The following SDHA variants were observed in gnomAD, a reference collection of about 807,000 sequenced individuals.
SDHA encodes succinate dehydrogenase [ubiquinone] flavoprotein subunit, mitochondrial.
A neutral mutation model predicts 78.4 loss-of-function variants in SDHA; 48 were observed. The ratio of observed to expected loss-of-function variants is 0.61; its 90% CI spans 0.49 to 0.78. The LOEUF (loss-of-function observed/expected upper bound fraction) is 0.78. Ranked by LOEUF, SDHA falls within the 30% of genes least tolerant of loss-of-function variation. SDHA has a pLI of 0.00. For missense variants in SDHA, 680 were observed against 892.7 expected, an observed-to-expected ratio of 0.76 and a Z score of 3.04; for synonymous variants, 326 against 353.9, an observed-to-expected ratio of 0.92 and a Z score of 0.88.
intron 5 of SDHA, 24 bp from the exon 6 acceptor site, chr5:228,161 C>A: frequency 3.1e-6 from 5 of 1,597,806 alleles, no homozygotes; most frequent in Non-Finnish European, 4.2e-6. Context: ...ACACTTCTTG[C>A]CCTTTTTTTT....
downstream of SDHA, among the ~76,000 whole-genome samples, chr5:257,390 G>C (rs188207530): frequency 2.8e-5 from 4 of 144,034 alleles, no homozygotes; most frequent in Non-Finnish European, 6.0e-5. Context: ...TGTGAGCTCC[G>C]CCCCCTGCCA....
chr5:235,998 T>G (rs748444039), intron 9 of SDHA: 18 of 277,840 alleles, frequency 6.5e-5, no homozygotes, highest in Middle Eastern at 1.4e-3. Flanking sequence ...GGTCCTTACT[T>G]CCCTCTTAGA....
intron 1 of SDHA, among the ~76,000 whole-genome samples, chr5:221,169 G>C (rs1291339684): frequency 6.6e-6 from 1 of 152,140 alleles, no homozygotes; most frequent in Admixed American, 6.5e-5. Context: ...ATTCTAGTGA[G>C]AATAATTACA....
downstream of SDHA, among the ~76,000 whole-genome samples, chr5:258,264 C>T (rs1402460587): frequency 1.6e-5 from 2 of 127,134 alleles, no homozygotes; most frequent in African/African-American, 4.1e-5. Context: ...AGCTCCGCCC[C>T]ATGTTAGAGC....
chr5:219,922 C>T (rs570002173), intron 1 of SDHA, among the ~76,000 whole-genome samples: 35 of 152,194 alleles, frequency 2.3e-4, no homozygotes, highest in Non-Finnish European at 3.7e-4. Flanking sequence ...ATGAAGTTAG[C>T]TTTTCCTACA....
Position 223,213 on chromosome 5 carries a change from CAGTG to C in SDHA, c.64-265_64-262del, listed in dbSNP as rs1734816457. Among the ~76,000 whole-genome samples the C allele has an allele frequency of 3.9e-5, 6 of 152,320 alleles. No individual in the cohort carries two copies. The South Asian group carries it at 1.2e-3, about 32-fold the overall frequency. ...TGCCTTTTTCATTTCGTATCTGAGT[CAGTG>C]AGTATCCTGTTTGGAAACAAGCTTC... On this transcript the variant is annotated intron_variant, in intron 1 of 14. Coordinates refer to ENST00000264932, the MANE Select transcript of SDHA (RefSeq NM_004168.4).
chr5:223,859 T>A (rs1459612845), intron 2 of SDHA, among the ~76,000 whole-genome samples: 1 of 152,194 alleles, frequency 6.6e-6, no homozygotes, highest in Admixed American at 6.5e-5. Context: ...CTGTGATAGA[T>A]GATAAAATTC....
chr5:234,036 C>T (rs2126579933), intron 8 of SDHA: 1 of 286,924 alleles, frequency 3.5e-6, no homozygotes, highest in South Asian at 3.6e-5. Context: ...GCAGCTCTTT[C>T]ATTGCCTGAC....
rs1060503716 is a variant in SDHA, at chr5:228,296, C to G, written c.733C>G (p.His245Asp). 6.2e-7 allele frequency: 1 copy of G among 1,613,936 alleles called. No individual in the cohort carries two copies. Among genetic ancestry groups the G allele is most frequent in the Non-Finnish European group, 8.5e-7 (1 of 1,179,858 alleles). ...IALCIEDGSI[H>D]RIRAKNTVVA... ...ACTGTGCATAGAGGACGGGTCCATC[C>G]ATCGCATAAGAGCAAAGAACACTGT... The change falls in exon 6 of 15, where the codon CAT (histidine) becomes GAT (aspartate). Residue 245 changes from histidine (H) to aspartate (D), a missense_variant. Physicochemically the swap from His to Asp is moderately conservative, Grantham distance 81. Coordinates refer to ENST00000264932, the MANE Select transcript of SDHA (RefSeq NM_004168.4).
chr5:243,313 C>G (rs1173646677), intron 11 of SDHA, among the ~76,000 whole-genome samples: 5 of 151,972 alleles, frequency 3.3e-5, no homozygotes, highest in African/African-American at 1.2e-4. Context: ...TGTTTCCAGT[C>G]GGATGATTCC....
At chr5:224,048 C>T (rs951978660) in intron 2 of SDHA, among the ~76,000 whole-genome samples, 2 of 152,148 alleles carry the variant, frequency 1.3e-5, no homozygotes, top group Admixed American at 6.5e-5. Flanking sequence ...CCCACAATAG[C>T]GACTGAATAC....
In SDHA at chr5:251,250, C is replaced by T. The variant is rs1226422521; in HGVS notation, c.1664-88C>T. 5 of 1,533,438 alleles carry T rather than the reference C, an allele frequency of 3.3e-6. No individual in the cohort carries two copies. In the East Asian group the frequency reaches 9.2e-5, roughly 28 times the overall value. The allele number at this position is 1,533,438 out of a possible 1,614,324, so 95.0% of individuals were successfully genotyped here. A position where few individuals can be genotyped will look rare whatever the true frequency, so the allele number is the denominator to read the frequency against. On this transcript the variant is annotated intron_variant, in intron 12 of 14. Transcript: ENST00000264932. ...AGCTATAAAGCCACAACCAGTGACT[C>T]CATGGACTAGCAGGCCCAGGCTGAC...
chr5:230,887 G>A lies in SDHA; in HGVS notation c.782G>A (p.Arg261His), dbSNP rs769228279. 2.5e-6 allele frequency: 4 copies of A among 1,613,968 alleles called. No individual in the cohort carries two copies. The highest frequency in any genetic ancestry group is 1.1e-5 in the South Asian group (1 of 91,080). The change falls in exon 7 of 15, where the codon CGC becomes CAC. Residue 261 changes from arginine (R) to histidine (H), a missense_variant. Coordinates refer to ENST00000264932, the MANE Select transcript of SDHA (RefSeq NM_004168.4). ...NTVVATGGYG[R>H]TYFSCTSAHT... ...TCTATTGTTTCCAGAGGCTACGGGC[G>A]CACCTACTTCAGCTGCACGTCTGCC... is the stretch of plus-strand genomic sequence containing the variant.
rs770997653 is a variant in SDHA at position 228,340 on chromosome 5, A to T, written c.770+7A>T. On this transcript the variant is annotated splice_region_variant and intron_variant, in intron 6 of 14. Transcript: ENST00000264932. ...ACACTGTTGTTGCCACAGGGTAGGA[A>T]TCTCATTTCTACTTTATTTTGTTTA... The T allele has an allele frequency of 1.9e-6, 3 of 1,612,886 alleles. No homozygotes were observed. Among genetic ancestry groups the T allele is most frequent in the Non-Finnish European group, 1.7e-6 (2 of 1,179,036 alleles).
chr5:241,960 G>A (rs1405759566), intron 11 of SDHA, among the ~76,000 whole-genome samples: 1 of 152,194 alleles, frequency 6.6e-6, no homozygotes, highest in Admixed American at 6.5e-5. Flanking sequence ...ACATGCCTTC[G>A]GATATAGAAA....
At chr5:251,732 G>T in intron 13 of SDHA, 1 of 1,423,678 alleles carries the variant, frequency 7.0e-7, no homozygotes, top group Non-Finnish European at 9.3e-7. Flanking sequence ...AGAAGGCCAA[G>T]GTTAGAAGTG....
rs561918468 is a variant in SDHA, at chr5:236,448, C to T, written c.1281C>T (p.Gly427=). Residue 427 remains glycine (G), a synonymous_variant, in exon 10 of 15, where the codon GGC becomes GGT. Coordinates refer to ENST00000264932, the MANE Select transcript of SDHA (RefSeq NM_004168.4). ...CACAGGTCCTGAGGCACGTGAATGGCCAGGATCAGATTGTGCCCGGCCTGT... is the reference window on the plus strand; with the variant it reads ...CACAGGTCCTGAGGCACGTGAATGGTCAGGATCAGATTGTGCCCGGCCTGT... ...YKGQVLRHVN[G]QDQIVPGLYA... 1.9e-6 allele frequency: 3 copies of T among 1,613,842 alleles called. No homozygotes were observed. The East Asian group carries it at 6.7e-5, about 36-fold the overall frequency.
At chr5:223,632 C>A (rs1020287042) in intron 2 of SDHA, 64 bp downstream of exon 2, 52 of 1,265,668 alleles carry the variant, frequency 4.1e-5, no homozygotes, top group Non-Finnish European at 5.3e-5. Flanking sequence ...AGGATCTATA[C>A]CAGTTTGTTT....
At chr5:220,247 A>T (rs1286846396) in intron 1 of SDHA, 5 of 449,008 alleles carry the variant, frequency 1.1e-5, no homozygotes, top group Non-Finnish European at 1.8e-5. Context: ...CAGTGCACTG[A>T]CACAGCTTGC....
Sources: gnomAD v4.1 joint callset for allele counts (sites outside exome capture counted in the v4.1 genomes callset) on GRCh38, gnomAD v4.1.1 for gene constraint, MANE v1.5 for transcripts, NCBI Gene and HGNC (gene_info 2026-07-23, HGNC 2026-07-21) for gene names.